The following NRK variants were observed in gnomAD, a reference collection of about 807,000 sequenced individuals.
NRK encodes nik-related protein kinase.
In NRK, 67 loss-of-function variants were observed where a neutral mutation model predicts 125.2. That is an observed-to-expected ratio of 0.54 (90% CI 0.44 to 0.66). NRK has a LOEUF of 0.66. NRK is among the 30% of genes least tolerant of loss of function. NRK has a pLI of 0.00. For synonymous variants in NRK, 458 were observed against 429.0 expected (o/e 1.07, Z -0.84); for missense variants, 1,224 against 1,192.9 (o/e 1.03, Z -0.38).
intron 19 of NRK, among the ~76,000 whole-genome samples, chrX:105,926,377 G>C (rs745553843): frequency 7.2e-5 from 8 of 111,762 alleles, no homozygotes; most frequent in Non-Finnish European, 1.5e-4. Context: ...CTGTTGAGTT[G>C]TTTGAGTTTC....
At chrX:105,918,340 A>G (rs942836631) in intron 16 of NRK, among the ~76,000 whole-genome samples, 1 of 111,486 alleles carries the variant, frequency 9.0e-6, no homozygotes, top group African/African-American at 3.2e-5. Context: ...TCCAGTTTTA[A>G]GCAATCCAGG....
At chrX:105,932,266 T>C (rs1218693204) in intron 19 of NRK, among the ~76,000 whole-genome samples, 1 of 111,997 alleles carries the variant, frequency 8.9e-6, no homozygotes, top group Non-Finnish European at 1.9e-5. Flanking sequence ...CTTTTGGTTA[T>C]TGTGAAAAGC....
intron 1 of NRK, among the ~76,000 whole-genome samples, chrX:105,827,941 A>G (rs1244046421): frequency 9.0e-6 from 1 of 111,596 alleles, no homozygotes; most frequent in African/African-American, 3.3e-5. Context: ...GGAAAGGACC[A>G]AATAATTATG....
chrX:105,944,286 T>G (rs1448909021), intron 24 of NRK, among the ~76,000 whole-genome samples: 1 of 111,299 alleles, frequency 9.0e-6, no homozygotes, highest in Non-Finnish European at 1.9e-5. Context: ...CTTGATCTCC[T>G]GGGCTCAAGC....
chrX:105,869,530 T>G (rs970444675), intron 2 of NRK, among the ~76,000 whole-genome samples: 1 of 111,426 alleles, frequency 9.0e-6, no homozygotes, highest in Non-Finnish European at 1.9e-5. Context: ...CCCAGTCAAC[T>G]TCAGTGCTTC....
At chrX:105,954,594 C>A (rs1397384755) in intron 28 of NRK, among the ~76,000 whole-genome samples, 1 of 110,573 alleles carries the variant, frequency 9.0e-6, no homozygotes, top group African/African-American at 3.3e-5. Context: ...ACTGTAAGCT[C>A]ACAGTATCAC....
chrX:105,871,204 C>T (rs1389055250), intron 2 of NRK, among the ~76,000 whole-genome samples: 3 of 111,570 alleles, frequency 2.7e-5, no homozygotes, highest in Non-Finnish European at 5.7e-5. Context: ...ATTTTGTGAG[C>T]TCATGCCCTC....
intron 22 of NRK, among the ~76,000 whole-genome samples, chrX:105,938,509 C>A (rs940699223): frequency 9.0e-6 from 1 of 111,205 alleles, no homozygotes; most frequent in African/African-American, 3.3e-5. Context: ...GTTTAAGGTA[C>A]GTAGAAGTAA....
chrX:105,951,241 A>C (rs2040893827), intron 27 of NRK, among the ~76,000 whole-genome samples: 1 of 111,248 alleles, frequency 9.0e-6, no homozygotes, highest in South Asian at 3.8e-4. Flanking sequence ...AAATGGTTAT[A>C]AGGAAATTCA....
intron 2 of NRK, among the ~76,000 whole-genome samples, chrX:105,874,930 G>T (rs746015072): frequency 3.3e-4 from 37 of 111,570 alleles, no homozygotes; most frequent in Non-Finnish European, 5.8e-4. Flanking sequence ...ACTGCAAAAA[G>T]AATATACGTT....
intron 3 of NRK, 126 bp downstream of exon 3, chrX:105,880,381 A>G (rs188349722): frequency 4.8e-4 from 131 of 275,307 alleles, no homozygotes; most frequent in Admixed American, 2.9e-3. Flanking sequence ...ATCAATCTGG[A>G]TTTATTATAG....
At chrX:105,868,628 T>C (rs936363690) in intron 2 of NRK, among the ~76,000 whole-genome samples, 2 of 110,896 alleles carry the variant, frequency 1.8e-5, no homozygotes, top group African/African-American at 6.6e-5. Context: ...TTCTGTGCAA[T>C]AGTACCATTC....
intron 5 of NRK, among the ~76,000 whole-genome samples, chrX:105,888,928 T>G (rs940242427): frequency 9.0e-6 from 1 of 111,186 alleles, no homozygotes; most frequent in African/African-American, 3.3e-5. Context: ...ACCATATCAT[T>G]TCATCACTGG....
chrX:105,847,483 T>A (rs745371744), intron 2 of NRK, among the ~76,000 whole-genome samples: 10 of 112,392 alleles, frequency 8.9e-5, no homozygotes, highest in African/African-American at 2.9e-4. Context: ...ATCAGTTTTA[T>A]GTAAAATATT....
intron 2 of NRK, among the ~76,000 whole-genome samples, chrX:105,838,160 G>C (rs993394149): frequency 9.0e-6 from 1 of 111,532 alleles, no homozygotes; most frequent in Non-Finnish European, 1.9e-5. Flanking sequence ...TCCTATTGTC[G>C]CTTCTCCACC....
chrX:105,946,524 A>T lies in NRK; in HGVS notation c.4353+60A>T, dbSNP rs1003721490. ...GTATACCACCATTTGAGTTTTTCCA[A>T]CTGTCAAAACTCTGAAAGGTTTAAA... is the stretch of plus-strand genomic sequence containing the variant. On this transcript the variant is annotated intron_variant, in intron 26 of 28. Coordinates refer to ENST00000243300, the MANE Select transcript of NRK (RefSeq NM_198465.4). 6 of 821,492 alleles carry T rather than the reference A, an allele frequency of 7.3e-6. No individual in the cohort carries two copies. In the Admixed American group the frequency reaches 1.1e-4, roughly 16 times the overall value. 67.7% of individuals were successfully genotyped at this position (821,492 alleles called of 1,213,427 possible). A position where few individuals can be genotyped will look rare whatever the true frequency, so the allele number is the denominator to read the frequency against.
At chrX:105,913,250 T>C (rs1311178884) in intron 14 of NRK, among the ~76,000 whole-genome samples, 1 of 111,891 alleles carries the variant, frequency 8.9e-6, no homozygotes, top group Non-Finnish European at 1.9e-5. Flanking sequence ...AATTATTGAA[T>C]AATGTACCAA....
intron 13 of NRK, 93 bp from the exon 14 acceptor site, chrX:105,912,555 A>G (rs2040315243): frequency 9.5e-6 from 3 of 314,574 alleles, no homozygotes; most frequent in South Asian, 8.2e-5. Context: ...TATATAATAC[A>G]TATAAACAAT....
intron 1 of NRK, among the ~76,000 whole-genome samples, chrX:105,826,168 T>G (rs1375402812): frequency 4.3e-5 from 4 of 92,122 alleles, no homozygotes; most frequent in Non-Finnish European, 8.3e-5. Context: ...TGGTAAGATA[T>G]ATATATGATC....
Sources: allele counts gnomAD v4.1 joint callset (sites outside exome capture counted in the v4.1 genomes callset), GRCh38; gene constraint gnomAD v4.1.1; transcripts MANE v1.5; gene names NCBI Gene and HGNC (gene_info 2026-07-23, HGNC 2026-07-21).